Variants in TCF20 observed in about 807,000 individuals in gnomAD.
TCF20 encodes SPRE-binding protein.
TCF20 carries 3 observed loss-of-function variants against 148.6 expected under a neutral mutation model. That is an observed-to-expected ratio of 0.02 (90% CI 0.01 to 0.05). The LOEUF (loss-of-function observed/expected upper bound fraction) is 0.05, where lower values mean the gene tolerates loss of function less well. Ranked by LOEUF, TCF20 falls within the 10% of genes least tolerant of loss-of-function variation. The probability of loss-of-function intolerance (pLI) is 1.00; values close to 1 mark genes in which losing one functional copy is unlikely to be tolerated. For missense variants in TCF20, 2,350 were observed against 2,429.3 expected (o/e 0.97, Z 0.69); for synonymous variants, 1,049 against 909.5 (o/e 1.15, Z -2.76).
intron 1 of TCF20, among the ~76,000 whole-genome samples, chr22:42,233,825 G>A (rs891747156): frequency 6.6e-6 from 1 of 152,100 alleles, no homozygotes; most frequent in African/African-American, 2.4e-5. Context: ...CTCTCACTGA[G>A]GCATAAGGAA....
chr22:42,220,610 T>C (rs1190786987), intron 1 of TCF20, among the ~76,000 whole-genome samples: 2 of 152,152 alleles, frequency 1.3e-5, no homozygotes, highest in Admixed American at 6.5e-5. Context: ...TATTCCCTGT[T>C]TGCCCCCACA....
chr22:42,283,039 T>A (rs1430000820), intron 1 of TCF20, among the ~76,000 whole-genome samples: 2 of 152,184 alleles, frequency 1.3e-5, no homozygotes, highest in East Asian at 3.9e-4. Flanking sequence ...AATGTCATAA[T>A]CCTTCTCCTG....
intron 2 of TCF20, among the ~76,000 whole-genome samples, chr22:42,190,979 G>A (rs1345690432): frequency 2.0e-5 from 3 of 152,100 alleles, no homozygotes; most frequent in Non-Finnish European, 4.4e-5. Flanking sequence ...ATTATCCTGG[G>A]TTTACAGCCT....
rs1414949914 is a variant in TCF20, at chr22:42,161,250, G to C, written c.*153C>G. On this transcript the variant is annotated 3_prime_UTR_variant, in exon 6 of 6. Coordinates refer to ENST00000677622, the MANE Select transcript of TCF20 (RefSeq NM_001378418.1). ...AGAACTTAAGGAAGTGCTGGCATGG[G>C]CAGGCACGCGGGCGGGGCGGGGCGG... is the stretch of plus-strand genomic sequence containing the variant. The C allele has an allele frequency of 1.9e-5, 30 of 1,541,586 alleles. No homozygotes were observed. The South Asian group carries it at 3.3e-4, about 17-fold the overall frequency.
intron 2 of TCF20, among the ~76,000 whole-genome samples, chr22:42,181,528 G>C (rs1311746008): frequency 6.6e-6 from 1 of 151,744 alleles, no homozygotes; most frequent in African/African-American, 2.4e-5. Flanking sequence ...GAATGGGTAT[G>C]GTCAAGCATT....
At chr22:42,215,375 C>T (rs1921654895) in intron 1 of TCF20, 34 bp from the exon 2 acceptor site, 3 of 1,529,596 alleles carry the variant, frequency 2.0e-6, no homozygotes. Flanking sequence ...ATTAGACACG[C>T]ATCTCCTTGG....
Position 42,214,227 on chromosome 22 carries a change from A to G in TCF20, c.1079T>C (p.Phe360Ser), listed in dbSNP as rs1376205209. 3 of 1,614,208 alleles carry G rather than the reference A, an allele frequency of 1.9e-6. No homozygotes were observed. The highest frequency in any genetic ancestry group is 2.5e-6 in the Non-Finnish European group (3 of 1,180,040). Residue 360 changes from phenylalanine to serine, a missense_variant, in exon 2 of 6, where the codon TTT (phenylalanine) becomes TCT (serine). Transcript: ENST00000677622. ...AGAAATGGGGCTGAAGTTCTGGTGA[A>G]ACTGCATGGGGGACCTCACAGGAAC... ...PEVPVRSPMQ[F>S]HQNFSPISNP...
rs1324469442 is a variant in TCF20, at chr22:42,338,083, G to A, written c.-37+5396C>T. On this transcript the variant is annotated intron_variant, in intron 1 of 1. Coordinates refer to the TCF20 transcript ENST00000515426. The surrounding 1 kb of genome is among the most constrained non-coding windows in gnomAD (Gnocchi z 4.0). Reference sequence around the variant, plus strand: ...CCACCTGGGTCCAGTGGGGGCATGCGTCCCAGGAAGAAAACCCTCTGGGCC... The same window carrying A: ...CCACCTGGGTCCAGTGGGGGCATGCATCCCAGGAAGAAAACCCTCTGGGCC... Among the ~76,000 whole-genome samples the A allele has an allele frequency of 3.3e-5, 5 of 152,144 alleles. No individual in the cohort carries two copies. The highest frequency in any genetic ancestry group is 2.1e-4 in the South Asian group (1 of 4,828).
In TCF20 at chr22:42,279,124, C is replaced by G. The variant is rs184273097; in HGVS notation, c.-37+4703G>C. On this transcript the variant is annotated intron_variant, in intron 1 of 5. Transcript: ENST00000359486. This position sits in a 1 kb window ranked among gnomAD's most constrained non-coding sequence, Gnocchi z 4.3. ...CCCCAGCCTCCTCCCCTAGGGCTCT[C>G]TAGGCTTCCTTTACCCGTCCTGCCT... Among the ~76,000 whole-genome samples the G allele has an allele frequency of 1.5e-3, 224 of 152,262 alleles. 1 individual carries two copies. Among genetic ancestry groups the G allele is most frequent in the Middle Eastern group, 0.014 (4 of 294 alleles).
In TCF20 at chr22:42,210,025, T is replaced by C; in HGVS notation, c.5281A>G (p.Lys1761Glu). The C allele has an allele frequency of 6.2e-7, 1 of 1,612,936 alleles. No homozygotes were observed. The highest frequency in any genetic ancestry group is 8.5e-7 in the Non-Finnish European group (1 of 1,180,028). ...TCTTCCTCCTCCTCAGTGTCCGTCT[T>C]GGAGCCATTAGAAGCACTTTTGTGC... ...VRHKSASNGS[K>E]TDTEEEEEQQ... is the part of the protein sequence containing the mutation. Residue 1761 changes from lysine (K) to glutamate (E), a missense_variant, in exon 2 of 6, where the codon AAG becomes GAG. Transcript: ENST00000677622. The surrounding 1 kb of genome is among the most constrained non-coding windows in gnomAD (Gnocchi z 4.7).
chr22:42,314,138 G>A (rs1339848384), intron 1 of TCF20, among the ~76,000 whole-genome samples: 1 of 152,188 alleles, frequency 6.6e-6, no homozygotes, highest in Non-Finnish European at 1.5e-5. Context: ...GCCCTATAGG[G>A]GCCCCTTGTG....
At chr22:42,340,694 A>G (rs1252073684) in intron 1 of TCF20, among the ~76,000 whole-genome samples, 6 of 152,128 alleles carry the variant, frequency 3.9e-5, no homozygotes, top group Non-Finnish European at 8.8e-5. Flanking sequence ...ATTCAGGTGC[A>G]GAGCAGTAGA....
chr22:42,161,972 C>CTT (rs3045573), intron 5 of TCF20, among the ~76,000 whole-genome samples: 6,710 of 74,450 alleles, frequency 0.09, 1,747 homozygotes, highest in Non-Finnish European at 0.11. Context: ...TAATGACAGT[C>CTT]TTTTTTTTTT....
intron 1 of TCF20, among the ~76,000 whole-genome samples, chr22:42,216,840 A>G (rs1026907384): frequency 6.6e-6 from 1 of 152,136 alleles, no homozygotes; most frequent in South Asian, 2.1e-4. Flanking sequence ...CCTCTTAATC[A>G]ATCAAGCTGA....
intron 1 of TCF20, among the ~76,000 whole-genome samples, chr22:42,291,764 A>C (rs1398787254): frequency 1.3e-5 from 2 of 151,956 alleles, no homozygotes; most frequent in Admixed American, 6.6e-5. Flanking sequence ...CTGGGGCCAC[A>C]AGATGCCTAG....
chr22:42,217,813 A>G (rs554637247), intron 1 of TCF20, among the ~76,000 whole-genome samples: 15 of 152,364 alleles, frequency 9.8e-5, no homozygotes, highest in Admixed American at 5.9e-4. Flanking sequence ...GAAAGACTTC[A>G]GAAAGTAAAT....
At chr22:42,185,811 C>T (rs1430245252) in intron 2 of TCF20, among the ~76,000 whole-genome samples, 1 of 152,220 alleles carries the variant, frequency 6.6e-6, no homozygotes, top group Non-Finnish European at 1.5e-5. Flanking sequence ...GCTCATGAGA[C>T]TGGCTGGAGA....
intron 2 of TCF20, among the ~76,000 whole-genome samples, chr22:42,206,651 C>T (rs987881556): frequency 4.0e-5 from 6 of 151,896 alleles, no homozygotes; most frequent in Admixed American, 6.6e-5. Context: ...GGAGTTTCAC[C>T]GTGATGTTAA....
At chr22:42,307,286 C>G (rs759206203) in intron 1 of TCF20, among the ~76,000 whole-genome samples, 180 of 152,168 alleles carry the variant, frequency 1.2e-3, no homozygotes, top group Non-Finnish European at 1.7e-3. Context: ...GAGGGTGGGA[C>G]CTTGTCTGGT....
Sources: allele counts gnomAD v4.1 joint callset (sites outside exome capture counted in the v4.1 genomes callset), GRCh38; gene constraint gnomAD v4.1.1; non-coding constraint Gnocchi (gnomAD v3.1); transcripts MANE v1.5; gene names NCBI Gene and HGNC (gene_info 2026-07-23, HGNC 2026-07-21).